PRKN: variants seen among roughly 807,000 people sequenced by gnomAD.
PRKN encodes the protein parkin RBR E3 ubiquitin protein ligase.
In PRKN, 56 loss-of-function variants were observed where a neutral mutation model predicts 59.5. The observed-to-expected ratio is 0.94, with a 90% confidence interval of 0.76 to 1.18. The LOEUF is 1.18. Ranked by LOEUF, PRKN falls within the 50% of genes most tolerant of loss-of-function variation. The probability of loss-of-function intolerance (pLI) is 0.00; values close to 1 mark genes in which losing one functional copy is unlikely to be tolerated. For synonymous variants in PRKN, 250 were observed against 222.1 expected, an observed-to-expected ratio of 1.13 and a Z score of -1.12; for missense variants, 657 against 596.4, an observed-to-expected ratio of 1.10 and a Z score of -1.06.
In PRKN at chr6:161,379,802, C is replaced by T. The variant is rs772020707; in HGVS notation, c.1167+6992G>A. On this transcript the variant is annotated intron_variant, in intron 10 of 11. Coordinates refer to ENST00000366898, the MANE Select transcript of PRKN (RefSeq NM_004562.3). The surrounding 1 kb of genome is among the most constrained non-coding windows in gnomAD (Gnocchi z 4.9). ...CAGCCTTCCTTCAAACTGCTTCATG[C>T]GATTCCCCACAGCATCCTCCAGTAC... Among the ~76,000 whole-genome samples the T allele has an allele frequency of 6.6e-6, 1 of 152,216 alleles. No homozygotes were observed. Among genetic ancestry groups the T allele is most frequent in the Non-Finnish European group, 1.5e-5 (1 of 68,038 alleles).
intron 3 of PRKN, among the ~76,000 whole-genome samples, chr6:162,246,258 G>A (rs557552069): frequency 6.6e-6 from 1 of 152,030 alleles, no homozygotes; most frequent in South Asian, 2.1e-4. Context: ...TGTCCTTATA[G>A]GAAGAGGAAA....
chr6:161,776,493 T>A (rs1230390419), intron 7 of PRKN, among the ~76,000 whole-genome samples: 3 of 152,200 alleles, frequency 2.0e-5, no homozygotes, highest in Non-Finnish European at 4.4e-5. Context: ...TACATAGACA[T>A]GGGCAGAGGG....
intron 5 of PRKN, among the ~76,000 whole-genome samples, chr6:162,025,583 CTT>C (rs1177676968): frequency 8.5e-5 from 5 of 59,006 alleles, no homozygotes; most frequent in African/African-American, 2.9e-4. Flanking sequence ...ATCCATGGTG[CTT>C]TTTTTTTTTT....
intron 1 of PRKN, among the ~76,000 whole-genome samples, chr6:162,725,037 G>C (rs1779079415): frequency 6.6e-6 from 1 of 152,184 alleles, no homozygotes; most frequent in African/African-American, 2.4e-5. Flanking sequence ...CTTCAAGCTA[G>C]CCCACCTCCG....
rs539667185 is a variant in PRKN at position 161,451,715 on chromosome 6, C to T, written c.1084-64838G>A. On this transcript the variant is annotated intron_variant, in intron 9 of 11. Coordinates refer to ENST00000366898, the MANE Select transcript of PRKN (RefSeq NM_004562.3). This position sits in a 1 kb window ranked among gnomAD's most constrained non-coding sequence, Gnocchi z 5.9. ...AAGGCCATCCAGGATGCGTCATTTG[C>T]AAGCTTGGGTGGACAGGCAGCTGCC... is the stretch of plus-strand genomic sequence containing the variant. Among the ~76,000 whole-genome samples the T allele has an allele frequency of 1.3e-5, 2 of 152,160 alleles. No individual in the cohort carries two copies. The highest frequency in any genetic ancestry group is 2.1e-4 in the South Asian group (1 of 4,826).
intron 6 of PRKN, among the ~76,000 whole-genome samples, chr6:161,871,131 G>A (rs887216969): frequency 1.2e-4 from 18 of 152,108 alleles, no homozygotes; most frequent in Middle Eastern, 3.4e-3. Context: ...CAATTTAAAC[G>A]TATAGAGATT....
Position 161,360,249 on chromosome 6 carries a change from T to C in PRKN, c.1168-44A>G. ...AAGGCGTTTAATCTCAGCTTTCTAT[T>C]ACTGGGATCAGAGTTTATGTTCCCT... On this transcript the variant is annotated intron_variant, in intron 10 of 11. Transcript: ENST00000366898. This position sits in a 1 kb window ranked among gnomAD's most constrained non-coding sequence, Gnocchi z 5.1. 2 of 1,426,234 alleles carry C rather than the reference T, an allele frequency of 1.4e-6. No individual in the cohort carries two copies. The highest frequency in any genetic ancestry group is 2.0e-6 in the Non-Finnish European group (2 of 1,007,870). The allele number at this position is 1,426,234 out of a possible 1,614,324, so 88.3% of individuals were successfully genotyped here.
At chr6:162,623,550 T>C (rs1007146071) in intron 1 of PRKN, among the ~76,000 whole-genome samples, 1 of 152,140 alleles carries the variant, frequency 6.6e-6, no homozygotes, top group Non-Finnish European at 1.5e-5. Flanking sequence ...AGATAAATCA[T>C]TTTCCCAAGG....
At chr6:161,873,548 A>T (rs1211042059) in intron 6 of PRKN, among the ~76,000 whole-genome samples, 2 of 151,996 alleles carry the variant, frequency 1.3e-5, no homozygotes, top group Admixed American at 6.6e-5. Flanking sequence ...GACACGAGTC[A>T]CACTGACAGC....
intron 6 of PRKN, among the ~76,000 whole-genome samples, chr6:161,960,691 C>A (rs1780346787): frequency 6.6e-6 from 1 of 152,148 alleles, no homozygotes; most frequent in Non-Finnish European, 1.5e-5. Flanking sequence ...GTCAGTGCTG[C>A]AATGATGTAG....
At chr6:162,310,565 T>C (rs1260009053) in intron 2 of PRKN, among the ~76,000 whole-genome samples, 1 of 151,926 alleles carries the variant, frequency 6.6e-6, no homozygotes, top group Non-Finnish European at 1.5e-5. Flanking sequence ...GAAATTTCTG[T>C]TGTTTAAGTT....
rs150594601 is a variant in PRKN, at chr6:161,462,097, C to T, written c.1084-75220G>A. On this transcript the variant is annotated intron_variant, in intron 9 of 11. Coordinates refer to ENST00000366898, the MANE Select transcript of PRKN (RefSeq NM_004562.3). This position sits in a 1 kb window ranked among gnomAD's most constrained non-coding sequence, Gnocchi z 4.5. ...GGGAACAGTCAACAGTGCCAAATGC[C>T]GCCACCTGCAATGAGCGGGGACTCA... Among the ~76,000 whole-genome samples the T allele has an allele frequency of 4.6e-5, 7 of 152,300 alleles. No individual in the cohort carries two copies. The East Asian group carries it at 9.7e-4, about 21-fold the overall frequency.
chr6:162,636,972 T>C (rs544034417), intron 1 of PRKN, among the ~76,000 whole-genome samples: 78 of 147,944 alleles, frequency 5.3e-4, no homozygotes, highest in African/African-American at 1.9e-3. Context: ...AAAAAAAAGA[T>C]GTGGCCAGGC....
intron 7 of PRKN, among the ~76,000 whole-genome samples, chr6:161,680,715 A>T (rs1785284644): frequency 7.7e-6 from 1 of 129,230 alleles, no homozygotes; most frequent in South Asian, 2.5e-4. Context: ...CTCTGAAAAC[A>T]TCCTGAAATA....
intron 7 of PRKN, among the ~76,000 whole-genome samples, chr6:161,763,606 G>A (rs1278502595): frequency 6.6e-6 from 1 of 152,072 alleles, no homozygotes; most frequent in Non-Finnish European, 1.5e-5. Context: ...CCGTTGCTGT[G>A]AGTTGAGAGT....
rs573716797 is a variant in PRKN, at chr6:162,705,021, T to A, written c.7+22641A>T. Among the ~76,000 whole-genome samples, 424 of 152,326 alleles carry A rather than the reference T, an allele frequency of 2.8e-3. 2 individuals carry two copies. Among genetic ancestry groups the A allele is most frequent in the African/African-American group, 9.3e-3 (387 of 41,564 alleles). ...ATTTTATATATTACTTCGTAGGTAA[T>A]GTTCCTTTGCTTTTTTAAAAAAAAT... On this transcript the variant is annotated intron_variant, in intron 1 of 11. Transcript: ENST00000366898.
intron 1 of PRKN, among the ~76,000 whole-genome samples, chr6:162,687,309 C>T (rs952504946): frequency 6.6e-6 from 1 of 151,738 alleles, no homozygotes; most frequent in African/African-American, 2.4e-5. Flanking sequence ...CCTCAGCCTC[C>T]CGAGTAGCTG....
intron 1 of PRKN, among the ~76,000 whole-genome samples, chr6:162,725,486 G>A (rs1171631694): frequency 2.0e-5 from 3 of 152,184 alleles, no homozygotes; most frequent in South Asian, 2.1e-4. Context: ...GAGGCTGGGC[G>A]TGGTGGTTCA....
intron 3 of PRKN, among the ~76,000 whole-genome samples, chr6:162,214,302 T>C (rs754627828): frequency 3.3e-5 from 5 of 152,030 alleles, no homozygotes; most frequent in African/African-American, 4.8e-5. Flanking sequence ...TATCCTAGGT[T>C]TTGAGCAGCA....
Sources: gnomAD v4.1 joint callset for allele counts (sites outside exome capture counted in the v4.1 genomes callset) on GRCh38, gnomAD v4.1.1 for gene constraint, Gnocchi (gnomAD v3.1) non-coding constraint, MANE v1.5 for transcripts, NCBI Gene and HGNC (gene_info 2026-07-23, HGNC 2026-07-21) for gene names.